SUSD6: variants seen among roughly 807,000 people sequenced by gnomAD.
SUSD6 encodes sushi domain-containing protein 6.
In SUSD6, 16 loss-of-function variants were observed where a neutral mutation model predicts 28.4. The ratio of observed to expected loss-of-function variants is 0.56; its 90% confidence interval spans 0.38 to 0.86. SUSD6 has a LOEUF of 0.86. SUSD6 is among the 40% of genes least tolerant of loss of function. The pLI is 0.00. For missense variants in SUSD6, 341 were observed against 384.2 expected (o/e 0.89, Z 0.94); for synonymous variants, 147 against 159.6 (o/e 0.92, Z 0.59).
At chr14:69,638,085 A>G (rs946653940) in intron 1 of SUSD6, among the ~76,000 whole-genome samples, 4 of 152,130 alleles carry the variant, frequency 2.6e-5, no homozygotes, top group Non-Finnish European at 4.4e-5. Flanking sequence ...ATGTTACATA[A>G]GACAGCAGCA....
chr14:69,669,297 C>T (rs190132297), intron 2 of SUSD6, among the ~76,000 whole-genome samples: 3 of 152,126 alleles, frequency 2.0e-5, no homozygotes, highest in African/African-American at 7.2e-5. Flanking sequence ...CTCTTGACCT[C>T]GTGATCCACC....
chr14:69,632,331 C>T (rs1023115529), intron 1 of SUSD6, among the ~76,000 whole-genome samples: 1 of 152,096 alleles, frequency 6.6e-6, no homozygotes, highest in African/African-American at 2.4e-5. Flanking sequence ...GGCTGGCCCT[C>T]CTGTTGCTCT....
At chr14:69,675,170 C>T (rs116287765) in intron 2 of SUSD6, among the ~76,000 whole-genome samples, 441 of 152,196 alleles carry the variant, frequency 2.9e-3, no homozygotes, top group African/African-American at 0.01. Flanking sequence ...AGACTGTTGC[C>T]GTGCTTAAGT....
chr14:69,685,723 A>G (rs78741448), intron 2 of SUSD6, among the ~76,000 whole-genome samples: 5,696 of 152,274 alleles, frequency 0.037, 377 homozygotes, highest in African/African-American at 0.13. Flanking sequence ...GAAATCTTAA[A>G]TTTGCTAAAC....
intron 1 of SUSD6, among the ~76,000 whole-genome samples, chr14:69,625,364 A>G (rs939547938): frequency 3.9e-5 from 6 of 152,196 alleles, no homozygotes; most frequent in Admixed American, 3.9e-4. Flanking sequence ...AACTTTACCT[A>G]CTTTAAAGTT....
chr14:69,687,772 G>A (rs1223361485), intron 2 of SUSD6, among the ~76,000 whole-genome samples: 1 of 152,204 alleles, frequency 6.6e-6, no homozygotes, highest in Non-Finnish European at 1.5e-5. Flanking sequence ...AGTGTCTTTC[G>A]TACTTGCCGT....
chr14:69,658,740 TG>T, intron 2 of SUSD6, 27 bp downstream of exon 2: 1 of 1,613,712 alleles, frequency 6.2e-7, no homozygotes, highest in Non-Finnish European at 8.5e-7. Context: ...CTTCTGTGTG[TG>T]GGTGGGAAAA....
In SUSD6 at chr14:69,614,796, G is replaced by C. The variant is rs142386410; in HGVS notation, c.-81+2968G>C. Reference sequence around the variant, plus strand: ...TGAAGCAGAACCACTTGCCAGCAGAGAGGGAAGGCCAGAGGGCACACGTGG... The same window carrying C: ...TGAAGCAGAACCACTTGCCAGCAGACAGGGAAGGCCAGAGGGCACACGTGG... On this transcript the variant is annotated intron_variant, in intron 1 of 5. Transcript: ENST00000342745. 3.3e-5 allele frequency among the ~76,000 whole-genome samples: 5 copies of C among 152,300 alleles called. No individual in the cohort carries two copies. In the East Asian group the frequency reaches 9.6e-4, roughly 29 times the overall value.
intron 2 of SUSD6, among the ~76,000 whole-genome samples, chr14:69,697,034 T>C (rs559776676): frequency 6.6e-6 from 1 of 152,320 alleles, no homozygotes; most frequent in African/African-American, 2.4e-5. Flanking sequence ...GGTGGATTAT[T>C]CATTAGATTT....
At chr14:69,682,090 G>A (rs139724797) in intron 2 of SUSD6, among the ~76,000 whole-genome samples, 2,501 of 152,128 alleles carry the variant, frequency 0.016, 63 homozygotes, top group African/African-American at 0.057. Flanking sequence ...CTAGCGCTTC[G>A]GGAGGCCAAG....
At chr14:69,674,718 A>C (rs928261634) in intron 2 of SUSD6, among the ~76,000 whole-genome samples, 1 of 152,116 alleles carries the variant, frequency 6.6e-6, no homozygotes, top group Non-Finnish European at 1.5e-5. Context: ...TTGTATTGGC[A>C]AGCCAGAAGA....
At chr14:69,689,468 A>T (rs1010290661) in intron 2 of SUSD6, among the ~76,000 whole-genome samples, 2 of 152,146 alleles carry the variant, frequency 1.3e-5, no homozygotes, top group Admixed American at 1.3e-4. Context: ...CTATTATTTT[A>T]ATCTTGTTGG....
At chr14:69,701,640 T>A (rs561180966) in intron 2 of SUSD6, among the ~76,000 whole-genome samples, 1 of 152,106 alleles carries the variant, frequency 6.6e-6, no homozygotes, top group Non-Finnish European at 1.5e-5. Flanking sequence ...CGTTTTTCTT[T>A]CTCCTGTTCA....
At chr14:69,627,688 T>C (rs1231279137) in intron 1 of SUSD6, among the ~76,000 whole-genome samples, 1 of 151,854 alleles carries the variant, frequency 6.6e-6, no homozygotes, top group East Asian at 1.9e-4. Context: ...ATGGTCTCGA[T>C]CTCCTGACCT....
At position 69,636,420 on chromosome 14, in the gene SUSD6, G is replaced by C. The variant is rs60493601; in HGVS notation, c.-80-22093G>C. On this transcript the variant is annotated intron_variant, in intron 1 of 5. Transcript: ENST00000342745. ...GTTAAGGTAGTGTGACCAGCCAGGG[G>C]TAGGGACTGGCTTCCTGAGGAAGAG... 7.7e-3 allele frequency among the ~76,000 whole-genome samples: 1,168 copies of C among 152,362 alleles called. 19 individuals carry two copies. Among genetic ancestry groups the C allele is most frequent in the African/African-American group, 0.026 (1,096 of 41,582 alleles).
intron 1 of SUSD6, among the ~76,000 whole-genome samples, chr14:69,623,921 TAA>T (rs1012172293): frequency 6.6e-6 from 1 of 152,162 alleles, no homozygotes; most frequent in African/African-American, 2.4e-5. Context: ...GTTTATAAAG[TAA>T]AAAAGTCACA....
intron 2 of SUSD6, among the ~76,000 whole-genome samples, chr14:69,698,102 C>A (rs1215405175): frequency 6.6e-6 from 1 of 152,232 alleles, no homozygotes; most frequent in African/African-American, 2.4e-5. Context: ...CCGAGGCGGG[C>A]AGATCACTTG....
rs112538042 is a variant in SUSD6, at chr14:69,704,668, C to T, written c.384C>T (p.Ser128=). 8.5e-5 allele frequency: 137 copies of T among 1,614,158 alleles called. 1 individual carries two copies. The highest frequency in any genetic ancestry group is 8.0e-4 in the African/African-American group (60 of 75,034). Residue 128 remains serine, a synonymous_variant, in exon 4 of 6, where the codon TCC becomes TCT. Transcript: ENST00000342745. ...CTATAGTGGCTTCTACTGCCAGCTC[C>T]GTGGCGCTCATTCTCCTCCTCGTGG... ...TLSIVASTAS[S]VALILLLVVL...
At chr14:69,652,145 T>C (rs1284660741) in intron 1 of SUSD6, among the ~76,000 whole-genome samples, 1 of 152,202 alleles carries the variant, frequency 6.6e-6, no homozygotes, top group Non-Finnish European at 1.5e-5. Flanking sequence ...CAGTTCCCTC[T>C]CTTAACTAAT....
Sources: allele counts gnomAD v4.1 joint callset (sites outside exome capture counted in the v4.1 genomes callset), GRCh38; gene constraint gnomAD v4.1.1; transcripts MANE v1.5; gene names NCBI Gene and HGNC (gene_info 2026-07-23, HGNC 2026-07-21).